The following SPEN variants were observed in gnomAD, a reference collection of about 807,000 sequenced individuals.
SPEN encodes msx2-interacting protein.
SPEN carries 18 observed loss-of-function variants against 269.9 expected under a neutral mutation model. That is an observed-to-expected ratio of 0.07 (90% CI 0.05 to 0.10). The LOEUF is 0.10. SPEN is among the 10% of genes least tolerant of loss of function. The probability of loss-of-function intolerance (pLI) is 1.00; values close to 1 mark genes in which losing one functional copy is unlikely to be tolerated. For synonymous variants in SPEN, 1,726 were observed against 1,765.7 expected, an observed-to-expected ratio of 0.98 and a Z score of 0.56; for missense variants, 3,822 against 4,631.2, an observed-to-expected ratio of 0.83 and a Z score of 5.07.
At chr1:15,861,420 G>A (rs762269461) in intron 1 of SPEN, among the ~76,000 whole-genome samples, 10 of 152,190 alleles carry the variant, frequency 6.6e-5, no homozygotes, top group Non-Finnish European at 1.3e-4. Flanking sequence ...GTGAGCCAGC[G>A]TGCCTGGCCC....
intron 1 of SPEN, among the ~76,000 whole-genome samples, chr1:15,857,369 T>C (rs2148703478): frequency 6.6e-6 from 1 of 151,970 alleles, no homozygotes; most frequent in East Asian, 1.9e-4. Context: ...CCAGCCTTTT[T>C]TTTTTGAGAC....
intron 1 of SPEN, among the ~76,000 whole-genome samples, chr1:15,857,118 A>T (rs954409735): frequency 6.6e-6 from 1 of 151,362 alleles, no homozygotes; most frequent in Non-Finnish European, 1.5e-5. Context: ...GCTGGAGTGC[A>T]GTGGTGTGAT....
At position 15,932,847 on chromosome 1, in the gene SPEN, A is replaced by G; in HGVS notation, c.6607A>G (p.Arg2203Gly). Residue 2203 changes from arginine to glycine, a missense_variant, in exon 11 of 15, where the codon AGG becomes GGG. Transcript: ENST00000375759. This position sits in a 1 kb window ranked among gnomAD's most constrained non-coding sequence, Gnocchi z 4.2. Reference protein sequence around the residue: ...DAPEGLAPEDRDKPAHQASET... With the variant: ...DAPEGLAPEDGDKPAHQASET... ...ACCAGAGGGCCTTGCCCCAGAGGAC[A>G]GGGACAAGCCTGCACACCAAGCAAG... The G allele has an allele frequency of 6.2e-7, 1 of 1,614,244 alleles. No individual in the cohort carries two copies. The highest frequency in any genetic ancestry group is 8.5e-7 in the Non-Finnish European group (1 of 1,180,034).
chr1:15,911,777 A>G (rs192013826), intron 5 of SPEN, among the ~76,000 whole-genome samples: 66 of 152,282 alleles, frequency 4.3e-4, no homozygotes, highest in Admixed American at 4.2e-3. Context: ...CCTGGCCAAC[A>G]TGGTGAAACC....
intron 3 of SPEN, among the ~76,000 whole-genome samples, chr1:15,888,231 C>T (rs1216588703): frequency 1.3e-5 from 2 of 150,518 alleles, no homozygotes; most frequent in African/African-American, 4.9e-5. Context: ...GTCTCAGCCT[C>T]CTGAAAACAA....
Position 15,847,920 on chromosome 1 carries a change from G to A in SPEN, c.-148G>A. On this transcript the variant is annotated 5_prime_UTR_variant, in exon 1 of 15. Transcript: ENST00000375759. ...GGGAGAGGGATGGTCTCTGCACGGG[G>A]GGGAGCCGGAGGAGCCGCCGCCGCT... is the stretch of plus-strand genomic sequence containing the variant. 3.0e-6 allele frequency: 1 copy of A among 337,932 alleles called. No homozygotes were observed. The highest frequency in any genetic ancestry group is 5.3e-6 in the Non-Finnish European group (1 of 187,276). 20.9% of individuals were successfully genotyped at this position (337,932 alleles called of 1,614,324 possible).
At position 15,926,981 on chromosome 1, in the gene SPEN, C is replaced by T. The variant is rs371311637; in HGVS notation, c.1851-1110C>T. ...TGCTGGGATTACAGGCATGAGCCAC[C>T]GTGTCCGGCCAAGTTCTAGTGTTCT... On this transcript the variant is annotated intron_variant, in intron 10 of 14. Transcript: ENST00000375759. 7.9e-5 allele frequency among the ~76,000 whole-genome samples: 12 copies of T among 152,254 alleles called. No individual in the cohort carries two copies. In the East Asian group the frequency reaches 1.2e-3, roughly 15 times the overall value.
chr1:15,856,453 A>G lies in SPEN; in HGVS notation c.83+8303A>G, dbSNP rs544191945. Among the ~76,000 whole-genome samples, 4 of 152,166 alleles carry G rather than the reference A, an allele frequency of 2.6e-5. No individual in the cohort carries two copies. The South Asian group carries it at 8.3e-4, about 32-fold the overall frequency. The stretch of plus-strand genomic sequence containing the variant: ...ACTAATAGTAGTTGTGATTTTCGTC[A>G]CCAATACAAATCATATATATTTTCA... On this transcript the variant is annotated intron_variant, in intron 1 of 14. Transcript: ENST00000375759.
At chr1:15,878,970 T>C (rs2070659595) in intron 3 of SPEN, among the ~76,000 whole-genome samples, 2 of 121,742 alleles carry the variant, frequency 1.6e-5, no homozygotes, top group Admixed American at 2.1e-4. Context: ...GCCACTGCAC[T>C]CCAGCCTGGG....
chr1:15,880,050 T>C (rs991280337), intron 3 of SPEN, among the ~76,000 whole-genome samples: 1 of 152,188 alleles, frequency 6.6e-6, no homozygotes, highest in Admixed American at 6.5e-5. Context: ...AATTTCCACC[T>C]AAAAGGCCAG....
Position 15,848,007 on chromosome 1 carries a change from G to T in SPEN, c.-61G>T. The T allele has an allele frequency of 8.7e-7, 1 of 1,155,734 alleles. No homozygotes were observed. The highest frequency in any genetic ancestry group is 1.1e-6 in the Non-Finnish European group (1 of 887,588). 71.6% of individuals were successfully genotyped at this position (1,155,734 alleles called of 1,614,324 possible). On this transcript the variant is annotated 5_prime_UTR_variant, in exon 1 of 15. Coordinates refer to ENST00000375759, the MANE Select transcript of SPEN (RefSeq NM_015001.3). The surrounding 1 kb of genome is among the most constrained non-coding windows in gnomAD (Gnocchi z 5.1). ...CCGGCACCCGCCTCCCGGCGCTGAC[G>T]GTCTCGTACGAAGCCGGCGAGGGGG...
intron 13 of SPEN, 91 bp downstream of exon 13, chr1:15,938,097 T>A: frequency 8.6e-7 from 1 of 1,167,530 alleles, no homozygotes; most frequent in Non-Finnish European, 1.2e-6. Flanking sequence ...TGGCCTGTCA[T>A]GGAAGCATTA....
intron 1 of SPEN, among the ~76,000 whole-genome samples, chr1:15,864,066 C>T (rs1569976559): frequency 6.6e-6 from 1 of 151,978 alleles, no homozygotes; most frequent in African/African-American, 2.4e-5. Context: ...TGAAATAAGC[C>T]AGTTAACAAA....
At chr1:15,876,071 G>C (rs2070627567) in intron 2 of SPEN, 131 bp from the exon 3 acceptor site, 2 of 661,450 alleles carry the variant, frequency 3.0e-6, no homozygotes, top group Middle Eastern at 4.2e-4. Context: ...TGCTTATTAA[G>C]TAGGTTAATG....
Position 15,934,503 on chromosome 1 carries a change from G to A in SPEN, c.8263G>A (p.Ala2755Thr), listed in dbSNP as rs1309203686. 2 of 1,613,930 alleles carry A rather than the reference G, an allele frequency of 1.2e-6. No individual in the cohort carries two copies. The highest frequency in any genetic ancestry group is 8.5e-7 in the Non-Finnish European group (1 of 1,180,054). Residue 2755 changes from alanine (A) to threonine (T), a missense_variant, in exon 11 of 15, where the codon GCC becomes ACC. Physicochemically the swap from Ala to Thr is moderately conservative, Grantham distance 58. This residue lies in a region of SPEN where 329 missense variants were observed against 431.2 expected (regional missense o/e 0.76). Coordinates refer to ENST00000375759, the MANE Select transcript of SPEN (RefSeq NM_015001.3). The surrounding 1 kb of genome is among the most constrained non-coding windows in gnomAD (Gnocchi z 9.2). ...TACTGCTGCATCTGGTGGTGTAACG[G>A]CCACAACAGGCACGGTGACAATGGC... is the stretch of plus-strand genomic sequence containing the variant. Reference protein sequence around the residue: ...AVTAASGGVTATTGTVTMAGA... With the variant: ...AVTAASGGVTTTTGTVTMAGA...
chr1:15,906,130 A>T (rs1200084954), intron 3 of SPEN, among the ~76,000 whole-genome samples: 1 of 152,192 alleles, frequency 6.6e-6, no homozygotes, highest in Non-Finnish European at 1.5e-5. Flanking sequence ...TATAACAAGT[A>T]TCTTTTTCCT....
At chr1:15,859,670 GAAA>G (rs1433314453) in intron 1 of SPEN, among the ~76,000 whole-genome samples, 1 of 151,776 alleles carries the variant, frequency 6.6e-6, no homozygotes, top group Admixed American at 6.6e-5. Flanking sequence ...TGCCCGGCCT[GAAA>G]AGGAACTTTC....
In SPEN at chr1:15,935,189, G is replaced by T. The variant is rs140859193; in HGVS notation, c.8949G>T (p.Thr2983=). Residue 2983 remains threonine (T), a synonymous_variant, in exon 11 of 15, where the codon ACG becomes ACT. Transcript: ENST00000375759. The surrounding 1 kb of genome is among the most constrained non-coding windows in gnomAD (Gnocchi z 7.7). ...LQPANLGSTL[T]PHHPPALPSK... Reference sequence around the variant, plus strand: ...CGGCCAACCTGGGGTCCACGCTCACGCCCCACCACCCTCCTGCTCTGCCCA... The same window carrying T: ...CGGCCAACCTGGGGTCCACGCTCACTCCCCACCACCCTCCTGCTCTGCCCA... 1 of 1,613,764 alleles carries T rather than the reference G, an allele frequency of 6.2e-7. No homozygotes were observed. The highest frequency in any genetic ancestry group is 1.3e-5 in the African/African-American group (1 of 74,854).
chr1:15,938,598 G>C, intron 13 of SPEN, 120 bp from the exon 14 acceptor site: 1 of 444,184 alleles, frequency 2.3e-6, no homozygotes, highest in Non-Finnish European at 3.6e-6. Context: ...TCAAATATCA[G>C]GGTAGCCTTT....
Sources: gnomAD v4.1 joint callset for allele counts (sites outside exome capture counted in the v4.1 genomes callset) on GRCh38, gnomAD v4.1.1 for gene constraint, gnomAD v4.1.1 regional missense constraint, Gnocchi (gnomAD v3.1) non-coding constraint, MANE v1.5 for transcripts, NCBI Gene and HGNC (gene_info 2026-07-23, HGNC 2026-07-21) for gene names.